MAP2K4: variants seen among roughly 807,000 people sequenced by gnomAD.
MAP2K4 encodes dual specificity mitogen-activated protein kinase kinase 4.
Under a neutral mutation model 48.5 loss-of-function variants are expected in MAP2K4, and 4 were observed. That is an observed-to-expected ratio of 0.08 (90% CI 0.04 to 0.19). The LOEUF is 0.19. MAP2K4 is among the 10% of genes least tolerant of loss of function. The pLI is 1.00. For missense variants in MAP2K4, 258 were observed against 493.3 expected, an observed-to-expected ratio of 0.52 and a Z score of 4.52; for synonymous variants, 166 against 173.1, an observed-to-expected ratio of 0.96 and a Z score of 0.32.
rs146969847 is a variant in MAP2K4 at position 12,099,724 on chromosome 17, A to G, written c.513+4030A>G. 2.3e-3 allele frequency among the ~76,000 whole-genome samples: 347 copies of G among 152,348 alleles called. 1 individual carries two copies. Among genetic ancestry groups the G allele is most frequent in the African/African-American group, 7.9e-3 (328 of 41,578 alleles). On this transcript the variant is annotated intron_variant, in intron 4 of 10. Coordinates refer to ENST00000353533, the MANE Select transcript of MAP2K4 (RefSeq NM_003010.4). ...AGGTGGAAAAAAGAGCTTGATAATA[A>G]TTGAATAATGGAAGTAACTTTTAGC...
At chr17:12,067,600 A>G (rs1430657528) in intron 2 of MAP2K4, among the ~76,000 whole-genome samples, 1 of 152,174 alleles carries the variant, frequency 6.6e-6, no homozygotes, top group Admixed American at 6.5e-5. Flanking sequence ...TAAGAGGTGT[A>G]TTCCTTGGGG....
chr17:12,050,599 G>C (rs1208863421), intron 1 of MAP2K4, among the ~76,000 whole-genome samples: 3 of 150,088 alleles, frequency 2.0e-5, no homozygotes, highest in Non-Finnish European at 4.4e-5. Context: ...ATTGAGTAGT[G>C]GACTCTCAAC....
chr17:12,041,132 T>C (rs1374309761), intron 1 of MAP2K4, among the ~76,000 whole-genome samples: 2 of 152,272 alleles, frequency 1.3e-5, no homozygotes, highest in Non-Finnish European at 2.9e-5. Flanking sequence ...TTTAAAACTT[T>C]CAATTTGTAG....
At chr17:12,029,677 G>A (rs1396103203) in intron 1 of MAP2K4, among the ~76,000 whole-genome samples, 1 of 152,064 alleles carries the variant, frequency 6.6e-6, no homozygotes, top group Non-Finnish European at 1.5e-5. Flanking sequence ...GATGGCTCAT[G>A]CCTATAATCC....
At chr17:12,127,449 C>T (rs1972889315) in intron 8 of MAP2K4, among the ~76,000 whole-genome samples, 1 of 152,200 alleles carries the variant, frequency 6.6e-6, no homozygotes, top group South Asian at 2.1e-4. Context: ...CAAGTATGTA[C>T]TTCTTTACAG....
At position 12,130,785 on chromosome 17, in the gene MAP2K4, G is replaced by C. The variant is rs551309502; in HGVS notation, c.1040+1498G>C. Among the ~76,000 whole-genome samples, 5 of 152,232 alleles carry C rather than the reference G, an allele frequency of 3.3e-5. No homozygotes were observed. The South Asian group carries it at 1.0e-3, about 32-fold the overall frequency. On this transcript the variant is annotated intron_variant, in intron 9 of 10. Transcript: ENST00000353533. ...ATTCTTTCTGCCACTCTTTGTCTTG[G>C]ACATTGCCTGTAATCTCTAACCTGG...
intron 4 of MAP2K4, 56 bp downstream of exon 4, chr17:12,095,750 G>A (rs1351171603): frequency 1.3e-6 from 2 of 1,574,772 alleles, no homozygotes; most frequent in Admixed American, 1.8e-5. Flanking sequence ...GACAAATGAA[G>A]ATGGCAGGAT....
chr17:12,074,076 G>A (rs549236178), intron 2 of MAP2K4, among the ~76,000 whole-genome samples: 4 of 151,984 alleles, frequency 2.6e-5, no homozygotes, highest in East Asian at 1.9e-4. Flanking sequence ...CTGGCCTCTT[G>A]TTGTAGTTTT....
intron 1 of MAP2K4, among the ~76,000 whole-genome samples, chr17:12,022,738 G>T (rs1041367476): frequency 2.8e-4 from 43 of 152,280 alleles, no homozygotes; most frequent in African/African-American, 1.0e-3. Flanking sequence ...GGGAGGGAAG[G>T]CTATTTAGCT....
chr17:12,054,281 C>T (rs1567635521), intron 1 of MAP2K4, among the ~76,000 whole-genome samples: 2 of 151,950 alleles, frequency 1.3e-5, no homozygotes, highest in Non-Finnish European at 1.5e-5. Context: ...TATATTTGAT[C>T]TTTTTTTGCA....
In MAP2K4 at chr17:12,033,513, A is replaced by G. The variant is rs80026597; in HGVS notation, c.115+12512A>G. On this transcript the variant is annotated intron_variant, in intron 1 of 10. Transcript: ENST00000353533. ...TGTATATAAATAATAGAGATCAAGC[A>G]GTTAGACCCTAGGATAAAAGTTTTT... is the stretch of plus-strand genomic sequence containing the variant. 6.7e-3 allele frequency among the ~76,000 whole-genome samples: 1,025 copies of G among 152,300 alleles called. 11 individuals carry two copies. Among genetic ancestry groups the G allele is most frequent in the East Asian group, 0.047 (243 of 5,182 alleles).
At chr17:12,088,770 T>C (rs1465390984) in intron 3 of MAP2K4, among the ~76,000 whole-genome samples, 5 of 151,044 alleles carry the variant, frequency 3.3e-5, no homozygotes, top group African/African-American at 1.2e-4. Flanking sequence ...AAATATTTAC[T>C]AATATCTACC....
At chr17:12,050,528 A>G (rs1237422788) in intron 1 of MAP2K4, among the ~76,000 whole-genome samples, 2 of 152,192 alleles carry the variant, frequency 1.3e-5, no homozygotes, top group Admixed American at 6.5e-5. Flanking sequence ...TTGCTGTTCT[A>G]TAAAATGTGA....
chr17:12,080,971 A>G lies in MAP2K4; in HGVS notation c.219-385A>G, dbSNP rs28923180. Reference sequence around the variant, plus strand: ...AAGATAGGGTAAGAACTTTTTCGCAATAAGGTTTGCAGCTCTTGGGATTCT... The same window carrying G: ...AAGATAGGGTAAGAACTTTTTCGCAGTAAGGTTTGCAGCTCTTGGGATTCT... On this transcript the variant is annotated intron_variant, in intron 2 of 10. Coordinates refer to ENST00000353533, the MANE Select transcript of MAP2K4 (RefSeq NM_003010.4). Among the ~76,000 whole-genome samples the G allele has an allele frequency of 8.8e-3, 1,344 of 152,344 alleles. 6 individuals are homozygous for G. Among genetic ancestry groups the G allele is most frequent in the South Asian group, 0.022 (104 of 4,824 alleles).
At chr17:12,027,352 G>T (rs1969285128) in intron 1 of MAP2K4, among the ~76,000 whole-genome samples, 3 of 152,138 alleles carry the variant, frequency 2.0e-5, no homozygotes, top group South Asian at 2.1e-4. Flanking sequence ...TCTCCACCAC[G>T]GAGAAAGAGG....
intron 8 of MAP2K4, among the ~76,000 whole-genome samples, chr17:12,126,431 T>C (rs1457663360): frequency 1.6e-4 from 25 of 152,194 alleles, no homozygotes. Flanking sequence ...AGAACAGAAA[T>C]TTCTCACAGT....
At chr17:12,021,113 C>A (rs1177117234) in intron 1 of MAP2K4, 112 bp downstream of exon 1, 2 of 544,978 alleles carry the variant, frequency 3.7e-6, no homozygotes, top group Non-Finnish European at 5.4e-6. Context: ...ACGGCAGCCG[C>A]CGGCTTCTCC....
chr17:12,073,700 T>A (rs1970894468), intron 2 of MAP2K4, among the ~76,000 whole-genome samples: 1 of 152,188 alleles, frequency 6.6e-6, no homozygotes, highest in Non-Finnish European at 1.5e-5. Context: ...TATGTGTACA[T>A]CTGTGATGCC....
intron 1 of MAP2K4, among the ~76,000 whole-genome samples, chr17:12,040,472 GAGTTGACC>G (rs1294266043): frequency 8.5e-5 from 13 of 152,180 alleles, no homozygotes; most frequent in South Asian, 2.1e-4. Context: ...CCTGGAACAT[GAGTTGACC>G]CGTTCATTAG....
Sources: gnomAD v4.1 joint callset for allele counts (sites outside exome capture counted in the v4.1 genomes callset) on GRCh38, gnomAD v4.1.1 for gene constraint, MANE v1.5 for transcripts, NCBI Gene and HGNC (gene_info 2026-07-23, HGNC 2026-07-21) for gene names.